Variants in CFAP46 observed in about 807,000 individuals in gnomAD.
CFAP46 encodes cilia and flagella associated protein 46, also known as cilia- and flagella-associated protein 46.
CFAP46 carries 245 observed loss-of-function variants against 325.7 expected under a neutral mutation model. The ratio of observed to expected loss-of-function variants is 0.75; its 90% CI spans 0.68 to 0.84. CFAP46 has a LOEUF of 0.84. Among genes scored for constraint, CFAP46 ranks in the 40% least tolerant of loss-of-function variants. CFAP46 has a pLI of 0.00. For missense variants in CFAP46, 3,346 were observed against 3,543.0 expected (o/e 0.94, Z 1.41); for synonymous variants, 1,523 against 1,495.9 (o/e 1.02, Z -0.42).
At chr10:132,838,017 G>C (rs1848294926) in intron 44 of CFAP46, among the ~76,000 whole-genome samples, 1 of 151,932 alleles carries the variant, frequency 6.6e-6, no homozygotes, top group Non-Finnish European at 1.5e-5. Context: ...TGCAGACTCA[G>C]AGCCGTGCCC....
Position 132,886,100 on chromosome 10 carries a change from C to G in CFAP46, c.3305-141G>C, listed in dbSNP as rs1849127249. On this transcript the variant is annotated intron_variant, in intron 25 of 57. Coordinates refer to ENST00000368586, the MANE Select transcript of CFAP46 (RefSeq NM_001200049.3). This position sits in a 1 kb window ranked among gnomAD's most constrained non-coding sequence, Gnocchi z 5.8. ...CAGAGGTGCCCAGGCCAGCGCATGC[C>G]CCGCAGGGCTGAAGTGAGCTGTGGA... The G allele has an allele frequency of 8.4e-7, 1 of 1,187,320 alleles. No individual in the cohort carries two copies. The highest frequency in any genetic ancestry group is 1.5e-5 in the African/African-American group (1 of 65,810). 73.5% of individuals were successfully genotyped at this position (1,187,320 alleles called of 1,614,324 possible).
chr10:132,938,499 C>T, intron 5 of CFAP46, 90 bp downstream of exon 5: 1 of 1,264,130 alleles, frequency 7.9e-7, no homozygotes, highest in East Asian at 2.4e-5. Context: ...ATGTGGAACT[C>T]CCGTCCCCCC....
At position 132,847,662 on chromosome 10, in the gene CFAP46, A is replaced by T. The variant is rs1394947546; in HGVS notation, c.5953-341T>A. On this transcript the variant is annotated intron_variant, in intron 41 of 57. Transcript: ENST00000368586. The surrounding 1 kb of genome is among the most constrained non-coding windows in gnomAD (Gnocchi z 5.2). ...GGGGCTCTCGTTCCTGTCCTTTGGA[A>T]ACACCTCTCCCGGAACCAGCCAGCA... Among the ~76,000 whole-genome samples, 1 of 151,958 alleles carries T rather than the reference A, an allele frequency of 6.6e-6. No homozygotes were observed. Among genetic ancestry groups the T allele is most frequent in the Non-Finnish European group, 1.5e-5 (1 of 67,974 alleles).
chr10:132,878,056 A>G lies in CFAP46; in HGVS notation c.4037T>C (p.Leu1346Pro), dbSNP rs2135347422. 6.5e-7 allele frequency: 1 copy of G among 1,548,104 alleles called. No homozygotes were observed. The highest frequency in any genetic ancestry group is 2.0e-5 in the Admixed American group (1 of 50,896). Reference sequence around the variant, plus strand: ...GGTTGCTGCCAGGGGTCTGTTTTCCAGAACTGATTTTCCTGCTGTCATCAA... The same window carrying G: ...GGTTGCTGCCAGGGGTCTGTTTTCCGGAACTGATTTTCCTGCTGTCATCAA... ...VSLMTAGKSV[L>P]ENRPLAATSS... Residue 1346 changes from leucine to proline, a missense_variant, in exon 30 of 58, where the codon CTG becomes CCG. Coordinates refer to ENST00000368586, the MANE Select transcript of CFAP46 (RefSeq NM_001200049.3).
At chr10:132,904,515 C>T (rs1425292225) in intron 22 of CFAP46, among the ~76,000 whole-genome samples, 1 of 152,254 alleles carries the variant, frequency 6.6e-6, no homozygotes, top group Non-Finnish European at 1.5e-5. Context: ...TCTCCTTTTC[C>T]CTGTCACCAT....
chr10:132,846,927 C>T lies in CFAP46; in HGVS notation c.6267+5G>A, dbSNP rs373792241. The stretch of plus-strand genomic sequence containing the variant: ...TGGCTGGAGGTGGGCAGGGCAGAGA[C>T]ACACCTGAGACAGAGCCAGGAACTG... On this transcript the variant is annotated splice_donor_5th_base_variant and intron_variant, in intron 43 of 57. Transcript: ENST00000368586. The T allele has an allele frequency of 1.0e-5, 16 of 1,606,572 alleles. No homozygotes were observed. In the African/African-American group the frequency reaches 2.0e-4, roughly 20 times the overall value.
In CFAP46 at chr10:132,833,269, G is replaced by T. The variant is rs559901399; in HGVS notation, c.7117+89C>A. Reference sequence around the variant, plus strand: ...TTGCAACATTTGATGATTATTTCTTGATAGGAGCTAACATTGTTTCATCTG... The same window carrying T: ...TTGCAACATTTGATGATTATTTCTTTATAGGAGCTAACATTGTTTCATCTG... On this transcript the variant is annotated intron_variant, in intron 50 of 57. Coordinates refer to ENST00000368586, the MANE Select transcript of CFAP46 (RefSeq NM_001200049.3). The T allele has an allele frequency of 9.1e-5, 114 of 1,255,848 alleles. No homozygotes were observed. The East Asian group carries it at 2.7e-3, about 29-fold the overall frequency. The allele number at this position is 1,255,848 out of a possible 1,614,324, so 77.8% of individuals were successfully genotyped here. A position where few individuals can be genotyped will look rare whatever the true frequency, so the allele number is the denominator to read the frequency against.
rs1849611700 is a variant in CFAP46 at position 132,914,848 on chromosome 10, G to A, written c.2121-1590C>T. 2.0e-5 allele frequency among the ~76,000 whole-genome samples: 3 copies of A among 152,262 alleles called. No homozygotes were observed. In the East Asian group the frequency reaches 5.8e-4, roughly 29 times the overall value. On this transcript the variant is annotated intron_variant, in intron 17 of 57. Coordinates refer to ENST00000368586, the MANE Select transcript of CFAP46 (RefSeq NM_001200049.3). ...CGAGGCTGTGTCCAGCCACACTGCA[G>A]CTCCCTTGAGCCTCCTGGCTTCGCT...
chr10:132,837,766 C>T (rs1197259122), intron 44 of CFAP46, among the ~76,000 whole-genome samples: 4 of 149,972 alleles, frequency 2.7e-5, no homozygotes, highest in Non-Finnish European at 5.9e-5. Context: ...CACACACGCA[C>T]ACGTACACAG....
chr10:132,929,480 C>A, intron 9 of CFAP46: 1 of 765,456 alleles, frequency 1.3e-6, no homozygotes, highest in Non-Finnish European at 2.4e-6. Context: ...GCTGTGGACC[C>A]GTGGCCACAA....
Position 132,876,050 on chromosome 10 carries a change from G to A in CFAP46, c.4362+762C>T, listed in dbSNP as rs189491099. Among the ~76,000 whole-genome samples the A allele has an allele frequency of 1.3e-5, 2 of 152,344 alleles. No individual in the cohort carries two copies. The highest frequency in any genetic ancestry group is 1.9e-4 in the East Asian group (1 of 5,184). On this transcript the variant is annotated intron_variant, in intron 31 of 57. Transcript: ENST00000368586. This position sits in a 1 kb window ranked among gnomAD's most constrained non-coding sequence, Gnocchi z 4.1. ...TCAGAAAGCTTAATTAAATATGGGC[G>A]ACAGCCTGGAGGGCACATCACAAAA... is the stretch of plus-strand genomic sequence containing the variant.
rs1279512228 is a variant in CFAP46, at chr10:132,860,816, A to G, written c.5057T>C (p.Leu1686Pro). ...CCTTCCTGAGTGTTCCATGGACAAG[A>G]GCGCCTCTGCCAGGGTCAGAGTGGA... ...YNSTLTLAEA[L>P]LSMEHSGREA... Residue 1686 changes from leucine (L) to proline (P), a missense_variant, in exon 36 of 58, where the codon CTC (leucine) becomes CCC (proline). Coordinates refer to ENST00000368586, the MANE Select transcript of CFAP46 (RefSeq NM_001200049.3). 1 of 1,550,952 alleles carries G rather than the reference A, an allele frequency of 6.4e-7. No homozygotes were observed. Among genetic ancestry groups the G allele is most frequent in the African/African-American group, 1.4e-5 (1 of 73,048 alleles).
chr10:132,844,801 G>C (rs895435334), intron 44 of CFAP46, among the ~76,000 whole-genome samples: 3 of 152,204 alleles, frequency 2.0e-5, no homozygotes, highest in African/African-American at 7.2e-5. Flanking sequence ...TCTGGTACCA[G>C]CCTGGCTGCT....
intron 24 of CFAP46, among the ~76,000 whole-genome samples, chr10:132,895,433 A>G (rs1308465182): frequency 6.6e-6 from 1 of 152,230 alleles, no homozygotes; most frequent in Non-Finnish European, 1.5e-5. Context: ...CTATTCCACC[A>G]GAGGCTCTGG....
intron 50 of CFAP46, among the ~76,000 whole-genome samples, chr10:132,824,436 CTGTGTGCTGA>C (rs1847986490): frequency 9.8e-6 from 1 of 102,084 alleles, no homozygotes; most frequent in Non-Finnish European, 2.0e-5. Flanking sequence ...CTGATGTGTG[CTGTGTGCTGA>C]TGTGTGCTGT....
In CFAP46 at chr10:132,834,917, G is replaced by A. The variant is rs1236057809; in HGVS notation, c.6745-142C>T. The A allele has an allele frequency of 1.4e-5, 17 of 1,237,938 alleles. No homozygotes were observed. In the East Asian group the frequency reaches 1.8e-4, roughly 13 times the overall value. The allele number at this position is 1,237,938 out of a possible 1,614,324, so 76.7% of individuals were successfully genotyped here. ...GGACAAGGGCACCTGGCTCGGCAAC[G>A]AGGGCCCCATAGCACCTGGCCCATC... On this transcript the variant is annotated intron_variant, in intron 47 of 57. Coordinates refer to ENST00000368586, the MANE Select transcript of CFAP46 (RefSeq NM_001200049.3).
chr10:132,850,550 T>C, intron 40 of CFAP46, 118 bp from the exon 41 acceptor site: 2 of 1,020,758 alleles, frequency 2.0e-6, no homozygotes, highest in South Asian at 3.4e-5. Context: ...TGGGGAGCTC[T>C]GAGAAAGCCT....
At position 132,833,434 on chromosome 10, in the gene CFAP46, A is replaced by G. The variant is rs769489716; in HGVS notation, c.7041T>C (p.Asp2347=). The G allele has an allele frequency of 3.1e-6, 5 of 1,614,112 alleles. No homozygotes were observed. In the African/African-American group the frequency reaches 4.0e-5, roughly 13 times the overall value. ...ELPLEGLSVF[D]EGTISSVSRE... is the part of the protein sequence containing the mutation. ...GTGACACAGAGGAAATTGTCCCTTC[A>G]TCGAACACAGAGAGACCTTCCAGTG... Residue 2347 remains aspartate, a synonymous_variant, in exon 50 of 58, where the codon GAT becomes GAC. Coordinates refer to ENST00000368586, the MANE Select transcript of CFAP46 (RefSeq NM_001200049.3).
At chr10:132,853,715 T>C (rs1299383843) in intron 39 of CFAP46, among the ~76,000 whole-genome samples, 2 of 130,606 alleles carry the variant, frequency 1.5e-5, no homozygotes, top group Non-Finnish European at 3.1e-5. Context: ...ACTCAGGCTA[T>C]CTCTTTCTTT....
Sources: allele counts gnomAD v4.1 joint callset (sites outside exome capture counted in the v4.1 genomes callset), GRCh38; gene constraint gnomAD v4.1.1; non-coding constraint Gnocchi (gnomAD v3.1); transcripts MANE v1.5; gene names NCBI Gene and HGNC (gene_info 2026-07-23, HGNC 2026-07-21).